STRN: variants seen among roughly 807,000 people sequenced by gnomAD.
STRN encodes the protein striatin.
Under a neutral mutation model 96.3 loss-of-function variants are expected in STRN, and 53 were observed. That is an observed-to-expected ratio of 0.55 (90% CI 0.44 to 0.69). The LOEUF (loss-of-function observed/expected upper bound fraction) is 0.69. Among genes scored for constraint, STRN ranks in the 30% least tolerant of loss-of-function variants. STRN has a pLI of 0.00. For synonymous variants in STRN, 428 were observed against 355.9 expected (o/e 1.20, Z -2.28); for missense variants, 987 against 963.9 (o/e 1.02, Z -0.32).
intron 15 of STRN, 93 bp from the exon 16 acceptor site, chr2:36,851,200 G>A (rs1030247484): frequency 1.7e-6 from 2 of 1,169,136 alleles, no homozygotes; most frequent in African/African-American, 1.6e-5. Flanking sequence ...GACTGAAAAA[G>A]TAGGCCGGCC....
intron 3 of STRN, among the ~76,000 whole-genome samples, chr2:36,908,371 C>A (rs1291945634): frequency 1.3e-5 from 2 of 152,168 alleles, no homozygotes; most frequent in Admixed American, 6.5e-5. Flanking sequence ...GAATGAATTA[C>A]TGATACAAAC....
intron 1 of STRN, among the ~76,000 whole-genome samples, chr2:36,952,445 GA>G (rs1664775684): frequency 8.3e-6 from 1 of 120,462 alleles, no homozygotes; most frequent in Admixed American, 8.7e-5. Context: ...CCTGAAGCAC[GA>G]GAGAAAAAAA....
chr2:36,928,357 A>G (rs979555046), intron 1 of STRN, among the ~76,000 whole-genome samples: 2 of 152,192 alleles, frequency 1.3e-5, no homozygotes, highest in Non-Finnish European at 2.9e-5. Flanking sequence ...GTAAAAAGAA[A>G]AAGAGGAAAA....
intron 12 of STRN, among the ~76,000 whole-genome samples, chr2:36,865,985 T>C (rs1187734767): frequency 6.6e-6 from 1 of 152,244 alleles, no homozygotes; most frequent in African/African-American, 2.4e-5. Context: ...GATTTTTGCC[T>C]TAATTTCATT....
chr2:36,880,781 T>A (rs1054403198), intron 9 of STRN, among the ~76,000 whole-genome samples: 1 of 152,222 alleles, frequency 6.6e-6, no homozygotes, highest in African/African-American at 2.4e-5. Context: ...TCCAGATAAC[T>A]TTGTTCAGGT....
chr2:36,952,573 G>C (rs1381788092), intron 1 of STRN, among the ~76,000 whole-genome samples: 1 of 152,078 alleles, frequency 6.6e-6, no homozygotes, highest in African/African-American at 2.4e-5. Context: ...ATGCATTTGG[G>C]AATGATTAAT....
At chr2:36,913,299 ACTCT>A (rs929220394) in intron 3 of STRN, among the ~76,000 whole-genome samples, 2 of 151,902 alleles carry the variant, frequency 1.3e-5, no homozygotes, top group Non-Finnish European at 2.9e-5. Context: ...CCCCCAGCTA[ACTCT>A]CTATCTACAT....
chr2:36,852,215 A>G (rs571427284), intron 15 of STRN, among the ~76,000 whole-genome samples: 13 of 152,358 alleles, frequency 8.5e-5, no homozygotes, highest in Non-Finnish European at 1.8e-4. Flanking sequence ...CAGTAATTTA[A>G]AACCTCAGTG....
intron 1 of STRN, among the ~76,000 whole-genome samples, chr2:36,963,902 T>C (rs556337566): frequency 6.6e-4 from 99 of 150,086 alleles, no homozygotes; most frequent in Non-Finnish European, 1.0e-3. Context: ...GGCAGAAGGA[T>C]TGCTTAAACC....
chr2:36,892,659 G>A (rs888565223), intron 7 of STRN, among the ~76,000 whole-genome samples: 1 of 152,056 alleles, frequency 6.6e-6, no homozygotes, highest in African/African-American at 2.4e-5. Flanking sequence ...ATCATGAAAG[G>A]CTGGACCCAA....
chr2:36,890,345 G>T (rs898856607), intron 7 of STRN, among the ~76,000 whole-genome samples: 1 of 152,040 alleles, frequency 6.6e-6, no homozygotes, highest in African/African-American at 2.4e-5. Context: ...AAGTGTCATT[G>T]GTACCATGAC....
intron 1 of STRN, among the ~76,000 whole-genome samples, chr2:36,932,584 T>C (rs1246492316): frequency 2.0e-5 from 3 of 152,206 alleles, no homozygotes; most frequent in South Asian, 2.1e-4. Flanking sequence ...ATGGATTATA[T>C]TGAAAATAAA....
rs1403647295 is a variant in STRN, at chr2:36,893,921, C to A, written c.908G>T (p.Ser303Ile). 1 of 1,612,980 alleles carries A rather than the reference C, an allele frequency of 6.2e-7. No homozygotes were observed. The highest frequency in any genetic ancestry group is 1.7e-5 in the Admixed American group (1 of 59,818). ...TSEEGDNESR[S>I]AGDGTDWEKE... ...ACCCCAGTCTGTTCCATCGCCTGCA[C>A]TTCTAGATTCATTGTCTCCTTCCTC... Residue 303 changes from serine (S) to isoleucine (I), a missense_variant, in exon 7 of 18, where the codon AGT becomes ATT. Physicochemically the swap from Ser to Ile is moderately radical, Grantham distance 142. Coordinates refer to ENST00000263918, the MANE Select transcript of STRN (RefSeq NM_003162.4).
intron 6 of STRN, 104 bp downstream of exon 6, chr2:36,899,419 A>G: frequency 2.7e-6 from 3 of 1,121,528 alleles, no homozygotes; most frequent in Non-Finnish European, 3.5e-6. Flanking sequence ...ATGAAAAAGA[A>G]AAAGCTACGG....
intron 2 of STRN, among the ~76,000 whole-genome samples, chr2:36,924,142 G>T (rs1274371831): frequency 6.6e-6 from 1 of 152,020 alleles, no homozygotes; most frequent in Non-Finnish European, 1.5e-5. Context: ...GGATCACGAG[G>T]TCAGGAGATC....
intron 11 of STRN, 148 bp downstream of exon 11, chr2:36,869,406 A>T: frequency 1.2e-6 from 1 of 805,386 alleles, no homozygotes; most frequent in South Asian, 2.5e-5. Context: ...TAGGTTGTAT[A>T]AATGGAAAAA....
chr2:36,940,896 T>C (rs1670829578), intron 1 of STRN, among the ~76,000 whole-genome samples: 1 of 151,126 alleles, frequency 6.6e-6, no homozygotes, highest in South Asian at 2.1e-4. Flanking sequence ...CCCATGCCTG[T>C]AATCCCAGCA....
At chr2:36,898,770 T>A (rs1016682928) in intron 6 of STRN, among the ~76,000 whole-genome samples, 1 of 152,152 alleles carries the variant, frequency 6.6e-6, no homozygotes, top group African/African-American at 2.4e-5. Context: ...CTCCTCTCTA[T>A]TCATAAATTA....
In STRN at chr2:36,966,489, GC is replaced by G. The variant is rs1201669716; in HGVS notation, c.-27del. 2 of 1,400,336 alleles carry G rather than the reference GC, an allele frequency of 1.4e-6. No homozygotes were observed. The highest frequency in any genetic ancestry group is 9.3e-7 in the Non-Finnish European group (1 of 1,081,074). 86.7% of individuals were successfully genotyped at this position (1,400,336 alleles called of 1,614,324 possible). A position where few individuals can be genotyped will look rare whatever the true frequency, so the allele number is the denominator to read the frequency against. On this transcript the variant is annotated 5_prime_UTR_variant, in exon 1 of 18. Coordinates refer to ENST00000263918, the MANE Select transcript of STRN (RefSeq NM_003162.4). ...GGCGGCCGCAGATACCCGGGGAGCTGCCCCGGCGCCCAGCAGCGGAGGCAAC... is the reference window on the plus strand; with the variant it reads ...GGCGGCCGCAGATACCCGGGGAGCTGCCCGGCGCCCAGCAGCGGAGGCAAC...
Sources: allele counts gnomAD v4.1 joint callset (sites outside exome capture counted in the v4.1 genomes callset), GRCh38; gene constraint gnomAD v4.1.1; transcripts MANE v1.5; gene names NCBI Gene and HGNC (gene_info 2026-07-23, HGNC 2026-07-21).